NOX4: variants seen among roughly 807,000 people sequenced by gnomAD.
The protein encoded by NOX4 is NADPH oxidase 4.
In NOX4, 69 loss-of-function variants were observed where a neutral mutation model predicts 87.6. The ratio of observed to expected loss-of-function variants is 0.79; its 90% CI spans 0.65 to 0.96. NOX4 has a LOEUF of 0.96. Ranked by LOEUF, NOX4 falls within the 40% of genes least tolerant of loss-of-function variation. The pLI is 0.00. For synonymous variants in NOX4, 275 were observed against 238.2 expected (o/e 1.15, Z -1.42); for missense variants, 680 against 681.5 (o/e 1.00, Z 0.02).
the NOX4 span, among the ~76,000 whole-genome samples, chr11:89,567,143 C>T: frequency 6.6e-6 from 1 of 152,162 alleles, no homozygotes; most frequent in Non-Finnish European, 1.5e-5. Context: ...TCTGAACACA[C>T]CCCTGTTTGC....
intron 8 of NOX4, among the ~76,000 whole-genome samples, chr11:89,415,375 C>A (rs1040968102): frequency 6.6e-6 from 1 of 152,022 alleles, no homozygotes; most frequent in African/African-American, 2.4e-5. Flanking sequence ...ATTTTTCCCA[C>A]AATGCAGTGA....
the NOX4 span, among the ~76,000 whole-genome samples, chr11:89,573,963 C>A: frequency 6.6e-6 from 1 of 151,992 alleles, no homozygotes. Context: ...GTGGAGTCGC[C>A]CCAGAAGGTC....
chr11:89,516,931 A>G, the NOX4 span, among the ~76,000 whole-genome samples: 1 of 151,948 alleles, frequency 6.6e-6, no homozygotes, highest in African/African-American at 2.4e-5. Context: ...CAGTTTTTCG[A>G]AAACAAACTC....
chr11:89,356,634 T>C (rs570214110), intron 12 of NOX4, among the ~76,000 whole-genome samples: 8 of 152,268 alleles, frequency 5.3e-5, no homozygotes, highest in Non-Finnish European at 8.8e-5. Flanking sequence ...CTGGACCTAC[T>C]GTACACTCCC....
chr11:89,561,269 G>A, the NOX4 span, among the ~76,000 whole-genome samples: 61,272 of 150,064 alleles, frequency 0.41, 13,203 homozygotes, highest in African/African-American at 0.54. Context: ...TCTTCAATAT[G>A]TAAGCAGAAG....
At chr11:89,445,776 C>G (rs1013667542) in intron 4 of NOX4, among the ~76,000 whole-genome samples, 6 of 152,000 alleles carry the variant, frequency 3.9e-5, no homozygotes, top group African/African-American at 1.4e-4. Context: ...AAAGGATACA[C>G]GGGAAAAAGT....
At chr11:89,461,048 T>A (rs945719135) in intron 2 of NOX4, among the ~76,000 whole-genome samples, 5 of 152,116 alleles carry the variant, frequency 3.3e-5, no homozygotes, top group African/African-American at 1.2e-4. Context: ...CTCAGCAAAC[T>A]GTTGCAAGGA....
chr11:89,483,744 A>G (rs960599920), intron 2 of NOX4, among the ~76,000 whole-genome samples: 1 of 152,126 alleles, frequency 6.6e-6, no homozygotes, highest in African/African-American at 2.4e-5. Context: ...CTAAGACAGT[A>G]GATTTTCTGC....
intron 2 of NOX4, among the ~76,000 whole-genome samples, chr11:89,471,687 G>C (rs759260120): frequency 6.6e-6 from 1 of 152,110 alleles, no homozygotes; most frequent in African/African-American, 2.4e-5. Context: ...TTCAGTGAAG[G>C]ACTGATTAAA....
intron 11 of NOX4, among the ~76,000 whole-genome samples, chr11:89,383,577 T>C (rs988996534): frequency 6.6e-6 from 1 of 152,106 alleles, no homozygotes; most frequent in African/African-American, 2.4e-5. Flanking sequence ...CACTCCACAT[T>C]ACCTTCTTTT....
chr11:89,382,142 G>A (rs1940332971), intron 11 of NOX4, among the ~76,000 whole-genome samples: 1 of 151,892 alleles, frequency 6.6e-6, no homozygotes, highest in South Asian at 2.1e-4. Flanking sequence ...ACTTTCCTGA[G>A]GGGGGAGGGC....
chr11:89,484,370 T>C (rs979337844), intron 2 of NOX4, among the ~76,000 whole-genome samples: 1 of 152,112 alleles, frequency 6.6e-6, no homozygotes, highest in Non-Finnish European at 1.5e-5. Context: ...CTCAAACAAC[T>C]ATAATACTAA....
chr11:89,356,901 A>G (rs1487079953), intron 12 of NOX4, among the ~76,000 whole-genome samples: 1 of 152,134 alleles, frequency 6.6e-6, no homozygotes, highest in Non-Finnish European at 1.5e-5. Flanking sequence ...ACGGTCATAT[A>G]TCAACCATGA....
the NOX4 span, among the ~76,000 whole-genome samples, chr11:89,579,848 T>A: frequency 1.3e-5 from 2 of 152,042 alleles, no homozygotes; most frequent in African/African-American, 2.4e-5. Context: ...GATGTTGATA[T>A]TATGAGTATA....
Position 89,490,350 on chromosome 11 carries a change from A to C in NOX4, c.153+108T>G, listed in dbSNP as rs73537333. The C allele has an allele frequency of 4.2e-4, 316 of 749,674 alleles. 2 individuals are homozygous for C. The African/African-American group carries it at 5.1e-3, about 12-fold the overall frequency. 46.4% of individuals were successfully genotyped at this position (749,674 alleles called of 1,614,324 possible). A position where few individuals can be genotyped will look rare whatever the true frequency, so the allele number is the denominator to read the frequency against. ...ACTTTAGAGAACAACAAAGGTTTTC[A>C]AAGTGAAGAGTGCACATTTCTTTAA... On this transcript the variant is annotated intron_variant, in intron 2 of 17. Transcript: ENST00000263317.
At chr11:89,497,145 G>C (rs1355162257), upstream of NOX4, among the ~76,000 whole-genome samples, 1 of 152,222 alleles carries the variant, frequency 6.6e-6, no homozygotes, top group Non-Finnish European at 1.5e-5. Context: ...TTACCAGCAG[G>C]CCTTTGTGTT....
chr11:89,555,003 T>C, the NOX4 span, among the ~76,000 whole-genome samples: 11 of 152,206 alleles, frequency 7.2e-5, no homozygotes, highest in Non-Finnish European at 8.8e-5. Flanking sequence ...CATATAGAGT[T>C]TTAAAAATTT....
At chr11:89,558,969 T>A in the NOX4 span, among the ~76,000 whole-genome samples, 1 of 152,114 alleles carries the variant, frequency 6.6e-6, no homozygotes, top group Non-Finnish European at 1.5e-5. Flanking sequence ...TAATTACACA[T>A]CTTAGCAGGT....
chr11:89,519,453 A>G, the NOX4 span, among the ~76,000 whole-genome samples: 1 of 152,104 alleles, frequency 6.6e-6, no homozygotes, highest in African/African-American at 2.4e-5. Flanking sequence ...TAAAAAGTTT[A>G]AAAACATATA....
Sources: gnomAD v4.1 joint callset for allele counts (sites outside exome capture counted in the v4.1 genomes callset) on GRCh38, gnomAD v4.1.1 for gene constraint, MANE v1.5 for transcripts, NCBI Gene and HGNC (gene_info 2026-07-23, HGNC 2026-07-21) for gene names.